KNTC1: variants seen among roughly 807,000 people sequenced by gnomAD.
The protein encoded by KNTC1 is kinetochore associated 1.
A neutral mutation model predicts 314.4 loss-of-function variants in KNTC1; 253 were observed. That is an observed-to-expected ratio of 0.80 (90% CI 0.73 to 0.89). KNTC1 has a LOEUF of 0.89. Ranked by LOEUF, KNTC1 falls within the 40% of genes least tolerant of loss-of-function variation. KNTC1 has a pLI of 0.00. For missense variants in KNTC1, 2,475 were observed against 2,572.9 expected (o/e 0.96, Z 0.82); for synonymous variants, 901 against 901.4 (o/e 1.00, Z 0.01).
intron 51 of KNTC1, among the ~76,000 whole-genome samples, chr12:122,606,682 A>G (rs1232026300): frequency 6.6e-6 from 1 of 152,150 alleles, no homozygotes; most frequent in South Asian, 2.1e-4. Context: ...CAAAAATGCA[A>G]AAATAGTAAA....
intron 18 of KNTC1, 92 bp from the exon 19 acceptor site, chr12:122,561,829 A>G: frequency 9.5e-7 from 1 of 1,047,704 alleles, no homozygotes. Context: ...AATTTATTTA[A>G]AAAAATTTTT....
intron 2 of KNTC1, among the ~76,000 whole-genome samples, chr12:122,534,209 T>C (rs1445663947): frequency 6.6e-6 from 1 of 152,246 alleles, no homozygotes; most frequent in Non-Finnish European, 1.5e-5. Context: ...GCCATGCCAG[T>C]GCTGCATCCC....
At chr12:122,570,766 A>G (rs1421814440) in intron 22 of KNTC1, 110 bp from the exon 23 acceptor site, 1 of 746,646 alleles carries the variant, frequency 1.3e-6, no homozygotes, top group African/African-American at 1.8e-5. Context: ...CGTGGATAAG[A>G]GGTTTATGGA....
chr12:122,589,102 C>T (rs1869787725), intron 40 of KNTC1, among the ~76,000 whole-genome samples: 1 of 151,616 alleles, frequency 6.6e-6, no homozygotes, highest in South Asian at 2.1e-4. Flanking sequence ...TCTCTGTCAC[C>T]CAGGCTGGAG....
chr12:122,562,095 T>C, intron 19 of KNTC1, 121 bp downstream of exon 19: 1 of 950,724 alleles, frequency 1.1e-6, no homozygotes, highest in East Asian at 2.5e-5. Flanking sequence ...ACTTTTCTTA[T>C]CTGCAAAATG....
At chr12:122,579,485 TC>T (rs11346867) in intron 31 of KNTC1, among the ~76,000 whole-genome samples, 7,813 of 152,248 alleles carry the variant, frequency 0.051, 646 homozygotes, top group African/African-American at 0.18. Context: ...TTAAAGCATC[TC>T]CTTTTTTTCC....
At chr12:122,596,015 A>C (rs1464205882) in intron 43 of KNTC1, among the ~76,000 whole-genome samples, 2 of 151,614 alleles carry the variant, frequency 1.3e-5, no homozygotes, top group Admixed American at 1.3e-4. Flanking sequence ...TTAAACTATC[A>C]CTGTGTTATT....
At chr12:122,601,737 T>G in intron 45 of KNTC1, 112 bp downstream of exon 45, 2 of 1,052,476 alleles carry the variant, frequency 1.9e-6, no homozygotes, top group South Asian at 6.1e-5. Flanking sequence ...CCCTTTAAAC[T>G]CTGTGGTTTA....
At chr12:122,592,634 G>A (rs922578796) in intron 42 of KNTC1, among the ~76,000 whole-genome samples, 1 of 152,168 alleles carries the variant, frequency 6.6e-6, no homozygotes, top group Non-Finnish European at 1.5e-5. Context: ...TGGAGAACCT[G>A]TGTGTCAAAA....
Position 122,622,579 on chromosome 12 carries a change from C to G in KNTC1, c.6487C>G (p.Leu2163Val). ...GATGAATACCAACAATATCACTGAG[C>G]TAGTGAACTATTTGGCAAATGACTT... ...HAMNTNNITE[L>V]VNYLANDLSL... is the part of the protein sequence containing the mutation. The change falls in exon 62 of 64, where the codon CTA becomes GTA. Residue 2163 changes from leucine to valine, a missense_variant. Transcript: ENST00000333479. The G allele has an allele frequency of 1.9e-6, 3 of 1,552,446 alleles. No individual in the cohort carries two copies. Among genetic ancestry groups the G allele is most frequent in the Non-Finnish European group, 2.6e-6 (3 of 1,148,714 alleles).
intron 44 of KNTC1, among the ~76,000 whole-genome samples, chr12:122,600,271 G>A (rs960605806): frequency 3.9e-5 from 6 of 152,012 alleles, no homozygotes; most frequent in Non-Finnish European, 8.8e-5. Flanking sequence ...GCTAATTTTT[G>A]TATTTTTAAT....
chr12:122,537,528 C>G (rs183234679), intron 3 of KNTC1, among the ~76,000 whole-genome samples: 3 of 151,948 alleles, frequency 2.0e-5, no homozygotes, highest in African/African-American at 4.8e-5. Context: ...AAGCGATTCT[C>G]CTGTCTCAGC....
intron 3 of KNTC1, among the ~76,000 whole-genome samples, chr12:122,535,389 C>T (rs1961710718): frequency 1.3e-5 from 2 of 152,096 alleles, no homozygotes; most frequent in African/African-American, 4.8e-5. Flanking sequence ...ACCTGTAATC[C>T]TTGTACTTTG....
At position 122,572,923 on chromosome 12, in the gene KNTC1, C is replaced by G. The variant is rs1377736642; in HGVS notation, c.2020-14C>G. ...TATTTTATATCGTTAACAACTTTAA[C>G]ACTTTTGTTTTAGAAAGATTATCAG... On this transcript the variant is annotated splice_polypyrimidine_tract_variant and intron_variant, in intron 24 of 63. Transcript: ENST00000333479. 2.6e-6 allele frequency: 4 copies of G among 1,513,454 alleles called. No homozygotes were observed. The highest frequency in any genetic ancestry group is 1.4e-5 in the African/African-American group (1 of 72,346). 93.8% of individuals were successfully genotyped at this position (1,513,454 alleles called of 1,614,324 possible).
chr12:122,599,335 G>A (rs1871509414), intron 44 of KNTC1, among the ~76,000 whole-genome samples: 1 of 150,070 alleles, frequency 6.7e-6, no homozygotes, highest in Admixed American at 6.7e-5. Context: ...GTTTAATGGA[G>A]AAATGAAGGT....
chr12:122,616,264 T>C (rs745386970), intron 57 of KNTC1, among the ~76,000 whole-genome samples: 3 of 151,548 alleles, frequency 2.0e-5, no homozygotes, highest in Non-Finnish European at 2.9e-5. Flanking sequence ...TCTAGAGATT[T>C]CCTTTTTTTT....
intron 34 of KNTC1, among the ~76,000 whole-genome samples, chr12:122,584,018 G>A (rs1286589027): frequency 6.6e-6 from 1 of 152,134 alleles, no homozygotes; most frequent in Non-Finnish European, 1.5e-5. Context: ...TCAGCTACTT[G>A]GGAGGCTGAA....
chr12:122,594,128 G>T, intron 42 of KNTC1, 148 bp from the exon 43 acceptor site: 1 of 595,438 alleles, frequency 1.7e-6, no homozygotes, highest in Non-Finnish European at 3.0e-6. Context: ...ATGATGGCTG[G>T]GTTGGGTAGT....
At position 122,575,561 on chromosome 12, in the gene KNTC1, C is replaced by T. The variant is rs1172572678; in HGVS notation, c.2401C>T (p.Leu801Phe). The T allele has an allele frequency of 6.3e-7, 1 of 1,592,562 alleles. No homozygotes were observed. Among genetic ancestry groups the T allele is most frequent in the South Asian group, 1.1e-5 (1 of 87,464 alleles). The change falls in exon 28 of 64, where the codon CTC becomes TTC. Residue 801 changes from leucine to phenylalanine, a missense_variant. By Grantham distance (22) the Leu-to-Phe change is conservative (BLOSUM62 0). Transcript: ENST00000333479. ...TTTGTAGCTCATATTTGATGCCGTGCTCAAGATCATGTATGCGGCAGTGGT... is the reference window on the plus strand; with the variant it reads ...TTTGTAGCTCATATTTGATGCCGTGTTCAAGATCATGTATGCGGCAGTGGT... ...SDTDLIFDAV[L>F]KIMYAAVVPW...
Sources: gnomAD v4.1 joint callset for allele counts (sites outside exome capture counted in the v4.1 genomes callset) on GRCh38, gnomAD v4.1.1 for gene constraint, MANE v1.5 for transcripts, NCBI Gene and HGNC (gene_info 2026-07-23, HGNC 2026-07-21) for gene names.